The following MYRIP variants were observed in gnomAD, a reference collection of about 807,000 sequenced individuals.
MYRIP encodes the protein rab effector MyRIP.
In MYRIP, 49 loss-of-function variants were observed where a neutral mutation model predicts 98.0. The observed-to-expected ratio is 0.50, with a 90% CI of 0.40 to 0.63. MYRIP has a LOEUF of 0.63. Among genes scored for constraint, MYRIP ranks in the 30% least tolerant of loss-of-function variants. MYRIP has a pLI of 0.00. For missense variants in MYRIP, 1,004 were observed against 1,058.2 expected (o/e 0.95, Z 0.71); for synonymous variants, 404 against 409.5 (o/e 0.99, Z 0.16).
intron 3 of MYRIP, among the ~76,000 whole-genome samples, chr3:40,115,933 C>T (rs1949266563): frequency 6.6e-6 from 1 of 152,210 alleles, no homozygotes; most frequent in South Asian, 2.1e-4. Context: ...TCCACACCCT[C>T]CTGCCCGCTC....
chr3:39,878,939 G>C (rs994511049), intron 1 of MYRIP, among the ~76,000 whole-genome samples: 1 of 151,114 alleles, frequency 6.6e-6, no homozygotes, highest in Non-Finnish European at 1.5e-5. Flanking sequence ...GGTGGCGCAC[G>C]CCTGTAGTCC....
chr3:40,119,289 G>A lies in MYRIP; in HGVS notation c.333-31759G>A, dbSNP rs570865986. 7.9e-5 allele frequency among the ~76,000 whole-genome samples: 12 copies of A among 152,214 alleles called. No homozygotes were observed. The South Asian group carries it at 2.1e-3, about 26-fold the overall frequency. On this transcript the variant is annotated intron_variant, in intron 3 of 16. Transcript: ENST00000302541. The stretch of plus-strand genomic sequence containing the variant: ...TTGCCATTCTAACTGGTGTGAGATG[G>A]TATCTCATTGTGGTTTTGATTTGCA...
intron 1 of MYRIP, among the ~76,000 whole-genome samples, chr3:39,861,087 A>G (rs1214919343): frequency 1.3e-5 from 2 of 152,226 alleles, no homozygotes; most frequent in African/African-American, 4.8e-5. Context: ...GGCACCACCC[A>G]TAAGGGTGTT....
intron 2 of MYRIP, among the ~76,000 whole-genome samples, chr3:39,947,367 C>T (rs1944926157): frequency 1.3e-5 from 2 of 151,928 alleles, no homozygotes; most frequent in East Asian, 3.9e-4. Flanking sequence ...ATTCAGCTGG[C>T]TTGTTTCCTG....
intron 3 of MYRIP, among the ~76,000 whole-genome samples, chr3:40,093,783 C>T (rs1948773247): frequency 6.6e-6 from 1 of 152,206 alleles, no homozygotes; most frequent in Non-Finnish European, 1.5e-5. Flanking sequence ...CAATTGGATG[C>T]AAAACCAGCA....
intron 3 of MYRIP, among the ~76,000 whole-genome samples, chr3:40,146,369 C>A (rs890943778): frequency 6.6e-6 from 1 of 152,096 alleles, no homozygotes; most frequent in South Asian, 2.1e-4. Flanking sequence ...CCAGTGTGAG[C>A]GTGTTTGTTA....
intron 3 of MYRIP, among the ~76,000 whole-genome samples, chr3:40,085,279 A>G (rs549099634): frequency 6.6e-6 from 1 of 152,224 alleles, no homozygotes; most frequent in Non-Finnish European, 1.5e-5. Context: ...ACACACACAC[A>G]TACATATATT....
At chr3:39,998,077 A>G (rs949315115) in intron 2 of MYRIP, among the ~76,000 whole-genome samples, 185 of 152,348 alleles carry the variant, frequency 1.2e-3, no homozygotes, top group African/African-American at 4.3e-3. Context: ...AGCCAATATC[A>G]TACTGAATGG....
At chr3:40,028,280 A>G (rs972629847) in intron 2 of MYRIP, among the ~76,000 whole-genome samples, 3 of 152,178 alleles carry the variant, frequency 2.0e-5, no homozygotes, top group Admixed American at 6.5e-5. Context: ...ATGTAAGAAG[A>G]TACTGCTAAA....
intron 2 of MYRIP, among the ~76,000 whole-genome samples, chr3:39,915,455 C>A (rs1056383904): frequency 1.3e-5 from 2 of 151,912 alleles, no homozygotes; most frequent in Non-Finnish European, 2.9e-5. Flanking sequence ...ACATATTCAA[C>A]TATTACAATG....
chr3:40,212,231 CACACACACACACACATAT>C (rs1951974242), intron 11 of MYRIP, among the ~76,000 whole-genome samples: 1 of 33,972 alleles, frequency 2.9e-5, no homozygotes, highest in Non-Finnish European at 9.0e-5. Flanking sequence ...TATATACACA[CACACACACACACACATAT>C]ATATATATAC....
intron 3 of MYRIP, among the ~76,000 whole-genome samples, chr3:40,135,480 C>G (rs2125922364): frequency 6.6e-6 from 1 of 152,302 alleles, no homozygotes; most frequent in South Asian, 2.1e-4. Flanking sequence ...TCCAGGAGAA[C>G]TTCCCCAATC....
intron 3 of MYRIP, among the ~76,000 whole-genome samples, chr3:40,049,083 G>A (rs1285882743): frequency 6.6e-6 from 1 of 152,150 alleles, no homozygotes; most frequent in Non-Finnish European, 1.5e-5. Flanking sequence ...ATTGGTTTGG[G>A]AACAACATTC....
intron 2 of MYRIP, among the ~76,000 whole-genome samples, chr3:39,954,691 T>C (rs1299761437): frequency 2.0e-5 from 3 of 151,866 alleles, no homozygotes; most frequent in Non-Finnish European, 4.4e-5. Context: ...TTGACAGAAG[T>C]AGGCCTCAGA....
intron 3 of MYRIP, among the ~76,000 whole-genome samples, chr3:40,060,651 G>A (rs947263631): frequency 1.5e-5 from 2 of 135,128 alleles, no homozygotes; most frequent in African/African-American, 2.6e-5. Context: ...GAGTGCAATG[G>A]CGCTATCTCA....
intron 3 of MYRIP, among the ~76,000 whole-genome samples, chr3:40,115,025 T>A (rs1949241842): frequency 6.6e-6 from 1 of 152,174 alleles, no homozygotes; most frequent in Non-Finnish European, 1.5e-5. Context: ...CATAGTAGAA[T>A]ATTCTACAAT....
At chr3:40,032,442 C>CT (rs1947281967) in intron 2 of MYRIP, among the ~76,000 whole-genome samples, 2 of 152,076 alleles carry the variant, frequency 1.3e-5, no homozygotes, top group South Asian at 4.1e-4. Flanking sequence ...AGCTTTACTT[C>CT]CAACTATGTG....
At chr3:40,034,523 A>G (rs1030825846) in intron 2 of MYRIP, among the ~76,000 whole-genome samples, 3 of 151,742 alleles carry the variant, frequency 2.0e-5, no homozygotes, top group Non-Finnish European at 4.4e-5. Flanking sequence ...CCACAATGAG[A>G]TACCATCTCA....
chr3:39,873,094 G>A (rs370431318), intron 1 of MYRIP, among the ~76,000 whole-genome samples: 25 of 152,240 alleles, frequency 1.6e-4, no homozygotes, highest in African/African-American at 5.8e-4. Flanking sequence ...GCCAGTGATG[G>A]TGAGCATTTT....
Sources: allele counts gnomAD v4.1 joint callset (sites outside exome capture counted in the v4.1 genomes callset), GRCh38; gene constraint gnomAD v4.1.1; transcripts MANE v1.5; gene names NCBI Gene and HGNC (gene_info 2026-07-23, HGNC 2026-07-21).